CLCF1: variants seen among roughly 807,000 people sequenced by gnomAD.
The protein encoded by CLCF1 is cardiotrophin-like cytokine factor 1.
CLCF1 carries 10 observed loss-of-function variants against 21.2 expected under a neutral mutation model. The ratio of observed to expected loss-of-function variants is 0.47; its 90% CI spans 0.29 to 0.80. CLCF1 has a LOEUF of 0.80. CLCF1 is among the 30% of genes least tolerant of loss of function. The probability of loss-of-function intolerance (pLI) is 0.09; values close to 1 mark genes in which losing one functional copy is unlikely to be tolerated. For missense variants in CLCF1, 240 were observed against 293.4 expected (o/e 0.82, Z 1.33); for synonymous variants, 115 against 120.5 (o/e 0.95, Z 0.30).
intron 1 of CLCF1, chr11:67,370,014 G>A: frequency 1.0e-6 from 1 of 985,372 alleles, no homozygotes; most frequent in Non-Finnish European, 1.2e-6. Context: ...TGCAGGCTGC[G>A]GGTGGGGGGC....
At chr11:67,370,870 C>T in intron 1 of CLCF1, 1 of 985,428 alleles carries the variant, frequency 1.0e-6, no homozygotes, top group Non-Finnish European at 1.2e-6. Context: ...AAGAGCTACG[C>T]TAAGAACTGT....
In CLCF1 at chr11:67,372,992, CCTCCGCCCTCCT is replaced by C. The variant is rs1302425647; in HGVS notation, c.16+520_16+531del. Among the ~76,000 whole-genome samples the C allele has an allele frequency of 1.3e-5, 2 of 150,790 alleles. No homozygotes were observed. The highest frequency in any genetic ancestry group is 4.0e-4 in the East Asian group (2 of 5,038). On this transcript the variant is annotated intron_variant, in intron 1 of 2. Transcript: ENST00000312438. This position sits in a 1 kb window ranked among gnomAD's most constrained non-coding sequence, Gnocchi z 5.9. The stretch of plus-strand genomic sequence containing the variant: ...CCGGCCCAGCCAGGCTCGGCGCTGC[CCTCCGCCCTCCT>C]CTCCGCCGCCCGCCCTTCCTCCCGC...
intron 2 of CLCF1, among the ~76,000 whole-genome samples, chr11:67,366,438 C>T (rs1461837754): frequency 2.0e-4 from 30 of 152,050 alleles, no homozygotes; most frequent in Admixed American, 1.9e-3. Flanking sequence ...ACTAACACTC[C>T]GAAAGAAGGG....
rs1377782886 is a variant in CLCF1, at chr11:67,365,947, T to TGTGGGGGCAG, written c.184-327_184-318dup. Among the ~76,000 whole-genome samples the TGTGGGGGCAG allele has an allele frequency of 2.6e-5, 4 of 151,974 alleles. No individual in the cohort carries two copies. Among genetic ancestry groups the TGTGGGGGCAG allele is most frequent in the African/African-American group, 9.7e-5 (4 of 41,362 alleles). ...GGGCAAACCTTGGGAGAGTGCCCGC[T>TGTGGGGGCAG]GTGGGGGCAGGACAGAGAGGAAGAG... is the stretch of plus-strand genomic sequence containing the variant. On this transcript the variant is annotated intron_variant, in intron 2 of 2. Transcript: ENST00000312438. The surrounding 1 kb of genome is among the most constrained non-coding windows in gnomAD (Gnocchi z 5.0).
chr11:67,365,775 C>T lies in CLCF1; in HGVS notation c.184-145G>A, dbSNP rs1862082138. ...TGCTAGGCTTCTTTGTTCATGGCCT[C>T]CCTGAGTTTTTCCAATAAGGATATC... On this transcript the variant is annotated intron_variant, in intron 2 of 2. Transcript: ENST00000312438. The surrounding 1 kb of genome is among the most constrained non-coding windows in gnomAD (Gnocchi z 5.0). 3 of 1,260,924 alleles carry T rather than the reference C, an allele frequency of 2.4e-6. No homozygotes were observed. The highest frequency in any genetic ancestry group is 3.2e-6 in the Non-Finnish European group (3 of 935,596). 78.1% of individuals were successfully genotyped at this position (1,260,924 alleles called of 1,614,324 possible).
intron 1 of CLCF1, chr11:67,368,224 T>C: frequency 1.0e-6 from 1 of 985,290 alleles, no homozygotes; most frequent in Non-Finnish European, 1.2e-6. Flanking sequence ...TTGGGTATAT[T>C]CTAGGATGTG....
At chr11:67,371,615 C>T (rs151278425) in intron 1 of CLCF1, among the ~76,000 whole-genome samples, 158 of 152,234 alleles carry the variant, frequency 1.0e-3, no homozygotes, top group African/African-American at 3.4e-3. Flanking sequence ...CATGGGTGTG[C>T]TCAGGGAGGC....
intron 1 of CLCF1, among the ~76,000 whole-genome samples, chr11:67,373,114 G>T (rs1862275188): frequency 6.6e-6 from 1 of 151,348 alleles, no homozygotes; most frequent in Non-Finnish European, 1.5e-5. Flanking sequence ...CCGCCGCCCG[G>T]CCTCGGGCTC....
Position 67,370,884 on chromosome 11 carries a change from C to T in CLCF1, c.16+2640G>A, listed in dbSNP as rs541096802. On this transcript the variant is annotated intron_variant, in intron 1 of 2. Coordinates refer to ENST00000312438, the MANE Select transcript of CLCF1 (RefSeq NM_013246.3). ...TAAGAGCTACGCTAAGAACTGTAAG[C>T]CCTAAATGTTGCAGCCAGGGAGGCA... 1.0e-5 allele frequency: 10 copies of T among 985,410 alleles called. No homozygotes were observed. In the South Asian group the frequency reaches 4.2e-4, roughly 42 times the overall value. The allele number at this position is 985,410 out of a possible 1,614,324, so 61.0% of individuals were successfully genotyped here. A position where few individuals can be genotyped will look rare whatever the true frequency, so the allele number is the denominator to read the frequency against.
intron 1 of CLCF1, chr11:67,368,532 A>G (rs1862164317): frequency 1.0e-6 from 1 of 985,246 alleles, no homozygotes. Flanking sequence ...GTGGGGAAAT[A>G]TGCTTTTCTG....
intron 1 of CLCF1, chr11:67,370,675 C>G (rs545234394): frequency 2.0e-6 from 2 of 985,398 alleles, no homozygotes; most frequent in Admixed American, 1.2e-4. Flanking sequence ...ACCCAGACAG[C>G]TGCACAGGCA....
intron 2 of CLCF1, among the ~76,000 whole-genome samples, chr11:67,367,097 G>A (rs1367419551): frequency 6.6e-6 from 1 of 152,134 alleles, no homozygotes; most frequent in Non-Finnish European, 1.5e-5. Context: ...ACGCAGGCAT[G>A]GGAGGTGGGG....
intron 1 of CLCF1, chr11:67,368,587 G>A: frequency 3.5e-5 from 34 of 985,424 alleles, no homozygotes; most frequent in Non-Finnish European, 4.0e-5. Context: ...GGACACTTTG[G>A]ACTGGCAAAG....
chr11:67,370,130 G>A (rs1443094001), intron 1 of CLCF1: 2 of 985,284 alleles, frequency 2.0e-6, no homozygotes, highest in Non-Finnish European at 2.4e-6. Context: ...GGGGGTAGAA[G>A]GACAGGGCTC....
intron 1 of CLCF1, chr11:67,370,360 G>T (rs1862202287): frequency 5.1e-6 from 5 of 984,984 alleles, no homozygotes; most frequent in South Asian, 9.4e-5. Flanking sequence ...GGCCACTGGG[G>T]CTGTGTCCTA....
chr11:67,367,926 G>A, intron 1 of CLCF1: 1 of 985,288 alleles, frequency 1.0e-6, no homozygotes, highest in African/African-American at 1.7e-5. Flanking sequence ...CTGTGTGTGT[G>A]CCAACATGTA....
intron 1 of CLCF1, chr11:67,370,736 G>A: frequency 1.0e-6 from 1 of 985,406 alleles, no homozygotes; most frequent in Non-Finnish European, 1.2e-6. Context: ...CTGCCCCTCA[G>A]TCCCTGGCCT....
rs1862082375 is a variant in CLCF1 at position 67,365,784 on chromosome 11, T to C, written c.184-154A>G. 6.6e-6 allele frequency among the ~76,000 whole-genome samples: 1 copy of C among 152,240 alleles called. No homozygotes were observed. Among genetic ancestry groups the C allele is most frequent in the African/African-American group, 2.4e-5 (1 of 41,454 alleles). On this transcript the variant is annotated intron_variant, in intron 2 of 2. Transcript: ENST00000312438. The surrounding 1 kb of genome is among the most constrained non-coding windows in gnomAD (Gnocchi z 5.0). ...TCTTTGTTCATGGCCTCCCTGAGTT[T>C]TTCCAATAAGGATATCATTTGTATG...
At chr11:67,366,683 C>T (rs1862105907) in intron 2 of CLCF1, among the ~76,000 whole-genome samples, 2 of 151,948 alleles carry the variant, frequency 1.3e-5, no homozygotes, top group South Asian at 2.1e-4. Flanking sequence ...GAGGTTCACA[C>T]GCTGACAAGC....
Sources: allele counts gnomAD v4.1 joint callset (sites outside exome capture counted in the v4.1 genomes callset), GRCh38; gene constraint gnomAD v4.1.1; non-coding constraint Gnocchi (gnomAD v3.1); transcripts MANE v1.5; gene names NCBI Gene and HGNC (gene_info 2026-07-23, HGNC 2026-07-21).